CR1L: variants seen among roughly 807,000 people sequenced by gnomAD.
CR1L encodes complement C3b/C4b receptor 1 like.
A neutral mutation model predicts 62.3 loss-of-function variants in CR1L; 59 were observed. The ratio of observed to expected loss-of-function variants is 0.95; its 90% CI spans 0.77 to 1.18. CR1L has a LOEUF of 1.18. Ranked by LOEUF, CR1L falls within the 50% of genes most tolerant of loss-of-function variation. The pLI, the probability that CR1L is intolerant of heterozygous loss-of-function variation, is 0.00. For synonymous variants in CR1L, 279 were observed against 248.7 expected, an observed-to-expected ratio of 1.12 and a Z score of -1.15; for missense variants, 700 against 702.8, an observed-to-expected ratio of 1.00 and a Z score of 0.04.
intron 10 of CR1L, among the ~76,000 whole-genome samples, chr1:207,714,678 C>T (rs1653947177): frequency 6.6e-6 from 1 of 152,126 alleles, no homozygotes; most frequent in African/African-American, 2.4e-5. Flanking sequence ...AAGTCCACCA[C>T]CTAATAATGA....
chr1:207,698,860 T>C (rs1227114593), intron 7 of CR1L, among the ~76,000 whole-genome samples: 1 of 152,166 alleles, frequency 6.6e-6, no homozygotes, highest in African/African-American at 2.4e-5. Flanking sequence ...ACGAAGGCAT[T>C]GCATTAGAAG....
At chr1:207,645,616 C>T (rs1663109586) in intron 1 of CR1L, among the ~76,000 whole-genome samples, 1 of 152,138 alleles carries the variant, frequency 6.6e-6, no homozygotes, top group Non-Finnish European at 1.5e-5. Context: ...CGGGATTGAG[C>T]CCAGTCAGCA....
intron 1 of CR1L, chr1:207,652,496 T>G: frequency 9.7e-7 from 1 of 1,030,214 alleles, no homozygotes; most frequent in South Asian, 1.3e-5. Flanking sequence ...CCATGGCTGA[T>G]GAAAGTGATA....
chr1:207,723,211 C>T (rs1330309654), intron 11 of CR1L, among the ~76,000 whole-genome samples: 1 of 152,100 alleles, frequency 6.6e-6, no homozygotes, highest in Non-Finnish European at 1.5e-5. Flanking sequence ...GCGGGCAGAT[C>T]ACGAGGTCAG....
chr1:207,711,981 G>T (rs1396721604), intron 10 of CR1L, among the ~76,000 whole-genome samples: 1 of 152,032 alleles, frequency 6.6e-6, no homozygotes, highest in African/African-American at 2.4e-5. Flanking sequence ...AAATACAGTT[G>T]CCTGCCAGGA....
In CR1L at chr1:207,712,966, G is replaced by A. The variant is rs529476001; in HGVS notation, c.1415-4498G>A. Among the ~76,000 whole-genome samples, 6 of 152,210 alleles carry A rather than the reference G, an allele frequency of 3.9e-5. No individual in the cohort carries two copies. In the East Asian group the frequency reaches 1.2e-3, roughly 29 times the overall value. On this transcript the variant is annotated intron_variant, in intron 10 of 11. Coordinates refer to ENST00000508064, the MANE Select transcript of CR1L (RefSeq NM_175710.2). ...CTAGTAGATAAGAAGTACCCAGAGA[G>A]ATTAATTTATGGAAGGGTAGTTTTG...
chr1:207,661,416 T>C (rs1220826430), intron 1 of CR1L, among the ~76,000 whole-genome samples: 1 of 152,186 alleles, frequency 6.6e-6, no homozygotes, highest in Non-Finnish European at 1.5e-5. Context: ...CTTTGTCTCT[T>C]TTGTTCTTTG....
Position 207,645,290 on chromosome 1 carries a change from G to A in CR1L, c.57G>A (p.Leu19=), listed in dbSNP as rs1430910898. The A allele has an allele frequency of 1.1e-5, 17 of 1,613,840 alleles. No homozygotes were observed. The highest frequency in any genetic ancestry group is 3.3e-5 in the Admixed American group (2 of 60,016). The change falls in exon 1 of 12, where the codon TTG becomes TTA. Residue 19 remains leucine, a synonymous_variant. Coordinates refer to ENST00000508064, the MANE Select transcript of CR1L (RefSeq NM_175710.2). Reference sequence around the variant, plus strand: ...TTCCTTCCCGGCGCTTTCCTGGGTTGCTTCTGGCGGCCCTGGTGTTGCTGC... The same window carrying A: ...TTCCTTCCCGGCGCTTTCCTGGGTTACTTCTGGCGGCCCTGGTGTTGCTGC... ...RPFPSRRFPG[L]LLAALVLLLS...
chr1:207,668,658 C>T (rs1304473773), intron 1 of CR1L, among the ~76,000 whole-genome samples: 1 of 151,064 alleles, frequency 6.6e-6, no homozygotes, highest in Non-Finnish European at 1.5e-5. Flanking sequence ...AATCCTGGGG[C>T]TAACTCTTGA....
chr1:207,652,093 C>T (rs1388978494), intron 1 of CR1L, among the ~76,000 whole-genome samples: 1 of 152,148 alleles, frequency 6.6e-6, no homozygotes, highest in South Asian at 2.1e-4. Flanking sequence ...TGGTCCTTGA[C>T]CCCCAGGAAC....
At chr1:207,702,848 A>G (rs1305823352) in intron 9 of CR1L, among the ~76,000 whole-genome samples, 2 of 152,182 alleles carry the variant, frequency 1.3e-5, no homozygotes, top group African/African-American at 2.4e-5. Flanking sequence ...TTTGGGAGGC[A>G]GAGGCAGGTG....
chr1:207,660,558 G>A (rs903971380), intron 1 of CR1L, among the ~76,000 whole-genome samples: 3 of 152,166 alleles, frequency 2.0e-5, no homozygotes, highest in African/African-American at 4.8e-5. Flanking sequence ...AGTCTTGCTA[G>A]CAGTCTATCA....
At chr1:207,716,827 G>C (rs1456964075) in intron 10 of CR1L, among the ~76,000 whole-genome samples, 1 of 152,158 alleles carries the variant, frequency 6.6e-6, no homozygotes, top group Non-Finnish European at 1.5e-5. Context: ...AGCATCAAGT[G>C]CTTTTAGGGA....
rs545726612 is a variant in CR1L, at chr1:207,702,851, G to A, written c.1328+1233G>A. On this transcript the variant is annotated intron_variant, in intron 9 of 11. Transcript: ENST00000508064. ...TAATTCCAGCACTTTGGGAGGCAGA[G>A]GCAGGTGGATCACCTGAGGTCAGGT... is the stretch of plus-strand genomic sequence containing the variant. Among the ~76,000 whole-genome samples the A allele has an allele frequency of 1.0e-3, 158 of 152,340 alleles. 1 individual carries two copies. The highest frequency in any genetic ancestry group is 3.5e-3 in the African/African-American group (144 of 41,582).
At chr1:207,661,223 C>T (rs966171882) in intron 1 of CR1L, among the ~76,000 whole-genome samples, 5 of 152,074 alleles carry the variant, frequency 3.3e-5, no homozygotes, top group African/African-American at 4.8e-5. Context: ...TCTCATTGAT[C>T]GTCTAATGTT....
intron 1 of CR1L, among the ~76,000 whole-genome samples, chr1:207,646,426 C>T (rs59201426): frequency 1.3e-5 from 2 of 152,176 alleles, no homozygotes; most frequent in Non-Finnish European, 2.9e-5. Flanking sequence ...AAAATGCATG[C>T]TAGGCCAGGC....
intron 3 of CR1L, among the ~76,000 whole-genome samples, chr1:207,681,332 C>G (rs1401525308): frequency 6.6e-6 from 1 of 152,142 alleles, no homozygotes. Flanking sequence ...ATCCACAACT[C>G]TCTCTTCCCC....
In CR1L at chr1:207,694,509, G is replaced by A. The variant is rs41303261; in HGVS notation, c.620G>A (p.Cys207Tyr). Reference protein sequence around the residue: ...FELVGEPSIYCTSKDDQVGIW... With the variant: ...FELVGEPSIYYTSKDDQVGIW... ...CTTGTGGGTGAGCCCTCCATATACT[G>A]CACCAGCAAAGATGATCAAGTGGGC... Residue 207 changes from cysteine (C) to tyrosine (Y), a missense_variant, in exon 5 of 12, where the codon TGC becomes TAC. Cys to Tyr is a radical substitution (Grantham distance 194). Transcript: ENST00000508064. The A allele has an allele frequency of 0.052, 84,231 of 1,613,658 alleles. 2,695 individuals carry two copies. Among genetic ancestry groups the A allele is most frequent in the South Asian group, 0.11 (10,062 of 91,072 alleles).
At chr1:207,713,665 A>G (rs1653887660) in intron 10 of CR1L, among the ~76,000 whole-genome samples, 1 of 152,262 alleles carries the variant, frequency 6.6e-6, no homozygotes, top group African/African-American at 2.4e-5. Context: ...AAGCACTGGC[A>G]CAGGAGCGGG....
Sources: gnomAD v4.1 joint callset for allele counts (sites outside exome capture counted in the v4.1 genomes callset) on GRCh38, gnomAD v4.1.1 for gene constraint, MANE v1.5 for transcripts, NCBI Gene and HGNC (gene_info 2026-07-23, HGNC 2026-07-21) for gene names.